ZBTB20: variants seen among roughly 807,000 people sequenced by gnomAD.
The protein encoded by ZBTB20 is zinc finger and BTB domain-containing protein 20.
A neutral mutation model predicts 56.9 loss-of-function variants in ZBTB20; 9 were observed. The ratio of observed to expected loss-of-function variants is 0.16; its 90% confidence interval spans 0.10 to 0.28. The LOEUF is 0.28. Among genes scored for constraint, ZBTB20 ranks in the 10% least tolerant of loss-of-function variants. The pLI is 1.00. For synonymous variants in ZBTB20, 417 were observed against 420.7 expected (o/e 0.99, Z 0.11); for missense variants, 655 against 1,003.0 (o/e 0.65, Z 4.69).
intron 6 of ZBTB20, among the ~76,000 whole-genome samples, chr3:114,611,375 G>A (rs1363408874): frequency 3.3e-5 from 5 of 152,058 alleles, no homozygotes; most frequent in African/African-American, 4.8e-5. Flanking sequence ...ACTCACAAAC[G>A]GGAACACAGA....
chr3:114,638,485 A>C (rs970104751), intron 6 of ZBTB20, among the ~76,000 whole-genome samples: 11 of 152,090 alleles, frequency 7.2e-5, no homozygotes, highest in African/African-American at 2.7e-4. Flanking sequence ...GCTGCTGAAC[A>C]CATTTCTAAC....
intron 7 of ZBTB20, among the ~76,000 whole-genome samples, chr3:114,462,212 G>C (rs1176003875): frequency 6.6e-6 from 1 of 152,096 alleles, no homozygotes; most frequent in Non-Finnish European, 1.5e-5. Context: ...ATATTAACTA[G>C]GGCTCCCAGG....
At chr3:114,854,455 TTC>T (rs952215441) in intron 4 of ZBTB20, among the ~76,000 whole-genome samples, 2 of 152,188 alleles carry the variant, frequency 1.3e-5, no homozygotes, top group African/African-American at 4.8e-5. Flanking sequence ...AAAAAACACT[TTC>T]TGTTTTCCCG....
At chr3:114,434,339 C>T (rs552753141) in intron 7 of ZBTB20, among the ~76,000 whole-genome samples, 1 of 151,998 alleles carries the variant, frequency 6.6e-6, no homozygotes, top group Non-Finnish European at 1.5e-5. Flanking sequence ...AATCCATGTT[C>T]TCTAGATGTG....
intron 10 of ZBTB20, among the ~76,000 whole-genome samples, chr3:114,364,473 C>G (rs1000925386): frequency 2.6e-5 from 4 of 152,076 alleles, no homozygotes; most frequent in African/African-American, 9.7e-5. Flanking sequence ...AAACATCCCC[C>G]AACAATTTAT....
intron 5 of ZBTB20, among the ~76,000 whole-genome samples, chr3:114,756,334 C>A (rs543115613): frequency 6.6e-6 from 1 of 152,164 alleles, no homozygotes; most frequent in South Asian, 2.1e-4. Context: ...AATTAAAATA[C>A]CACCATGAAA....
At chr3:114,395,527 A>C (rs2086259563) in intron 7 of ZBTB20, among the ~76,000 whole-genome samples, 1 of 152,146 alleles carries the variant, frequency 6.6e-6, no homozygotes, top group Admixed American at 6.6e-5. Context: ...AGTCTATTTG[A>C]CTTTTAACTT....
chr3:114,607,490 A>G (rs1249200441), intron 6 of ZBTB20, among the ~76,000 whole-genome samples: 1 of 151,938 alleles, frequency 6.6e-6, no homozygotes, highest in East Asian at 1.9e-4. Flanking sequence ...TTTAGTAGAG[A>G]CAGCGTTTCT....
At chr3:114,853,097 T>C (rs2075077196) in intron 4 of ZBTB20, among the ~76,000 whole-genome samples, 1 of 152,224 alleles carries the variant, frequency 6.6e-6, no homozygotes, top group Non-Finnish European at 1.5e-5. Flanking sequence ...GTGGTTTATC[T>C]TCTCCACCTT....
intron 4 of ZBTB20, among the ~76,000 whole-genome samples, chr3:114,821,939 T>C (rs1002022459): frequency 1.3e-5 from 2 of 152,118 alleles, no homozygotes; most frequent in African/African-American, 4.8e-5. Context: ...ATAAATTCCA[T>C]TTCAACACTA....
chr3:115,073,053 T>C (rs1341849572), intron 1 of ZBTB20, among the ~76,000 whole-genome samples: 1 of 152,200 alleles, frequency 6.6e-6, no homozygotes, highest in Non-Finnish European at 1.5e-5. Flanking sequence ...ATCAGTGTCA[T>C]TTTCTATAAC....
At chr3:114,806,639 G>C (rs1352488265) in intron 4 of ZBTB20, among the ~76,000 whole-genome samples, 1 of 151,834 alleles carries the variant, frequency 6.6e-6, no homozygotes, top group Non-Finnish European at 1.5e-5. Flanking sequence ...ATTGAATCAA[G>C]CTTTTGGTGT....
chr3:114,534,847 C>T (rs899715479), intron 6 of ZBTB20, among the ~76,000 whole-genome samples: 3 of 152,096 alleles, frequency 2.0e-5, no homozygotes, highest in Admixed American at 6.6e-5. Context: ...CACTCAAAAC[C>T]ACACAACCAC....
intron 2 of ZBTB20, among the ~76,000 whole-genome samples, chr3:115,003,787 G>T (rs1046017493): frequency 5.9e-5 from 9 of 151,614 alleles, no homozygotes; most frequent in Admixed American, 4.0e-4. Flanking sequence ...TGAAATCAAA[G>T]ATAAATATGT....
At position 114,316,720 on chromosome 3, in the gene ZBTB20, T is replaced by C. The variant is rs1392152864; in HGVS notation, c.*22285A>G. 1 of 373,456 alleles carries C rather than the reference T, an allele frequency of 2.7e-6. No homozygotes were observed. Among genetic ancestry groups the C allele is most frequent in the Non-Finnish European group, 5.5e-6 (1 of 183,340 alleles). 23.1% of individuals were successfully genotyped at this position (373,456 alleles called of 1,614,324 possible). A position where few individuals can be genotyped will look rare whatever the true frequency, so the allele number is the denominator to read the frequency against. ...AGAAAAACTGTAATCCACTGATTCCTTGGAAAACATTTTTGATGAGAAAAA... is the reference window on the plus strand; with the variant it reads ...AGAAAAACTGTAATCCACTGATTCCCTGGAAAACATTTTTGATGAGAAAAA... On this transcript the variant is annotated 3_prime_UTR_variant, in exon 12 of 12. Coordinates refer to ENST00000675478, the MANE Select transcript of ZBTB20 (RefSeq NM_001348800.3).
At chr3:114,647,253 C>T (rs898730399) in intron 6 of ZBTB20, among the ~76,000 whole-genome samples, 14 of 152,178 alleles carry the variant, frequency 9.2e-5, no homozygotes, top group African/African-American at 2.7e-4. Flanking sequence ...CCACCAAGCC[C>T]GGCCAAGGCA....
intron 6 of ZBTB20, among the ~76,000 whole-genome samples, chr3:114,680,188 G>T (rs574633003): frequency 1.3e-5 from 2 of 152,264 alleles, no homozygotes; most frequent in African/African-American, 4.8e-5. Context: ...TAATGTAGAT[G>T]TTGGGTTGAT....
intron 6 of ZBTB20, among the ~76,000 whole-genome samples, chr3:114,526,078 T>C (rs1458464685): frequency 6.6e-6 from 1 of 152,210 alleles, no homozygotes; most frequent in African/African-American, 2.4e-5. Context: ...ATTTTTTCCA[T>C]CAAACTTTAA....
At chr3:115,135,776 T>C (rs2084637181) in intron 1 of ZBTB20, among the ~76,000 whole-genome samples, 1 of 152,178 alleles carries the variant, frequency 6.6e-6, no homozygotes, top group South Asian at 2.1e-4. Context: ...AAGAGCTAAG[T>C]AATTATATTA....
Sources: gnomAD v4.1 joint callset for allele counts (sites outside exome capture counted in the v4.1 genomes callset) on GRCh38, gnomAD v4.1.1 for gene constraint, MANE v1.5 for transcripts, NCBI Gene and HGNC (gene_info 2026-07-23, HGNC 2026-07-21) for gene names.